Variants in PVR observed in about 807,000 individuals in gnomAD.
PVR encodes the protein PVR cell adhesion molecule, also known as poliovirus receptor.
Under a neutral mutation model 43.3 loss-of-function variants are expected in PVR, and 39 were observed. The ratio of observed to expected loss-of-function variants is 0.90; its 90% CI spans 0.70 to 1.18. The LOEUF is 1.18. PVR is among the 50% of genes most tolerant of loss of function. The probability of loss-of-function intolerance (pLI) is 0.00; values close to 1 mark genes in which losing one functional copy is unlikely to be tolerated. For missense variants in PVR, 480 were observed against 549.7 expected, an observed-to-expected ratio of 0.87 and a Z score of 1.27; for synonymous variants, 224 against 233.2, an observed-to-expected ratio of 0.96 and a Z score of 0.36.
chr19:44,661,899 C>G lies in PVR; in HGVS notation c.*88C>G. Reference sequence around the variant, plus strand: ...GACCCGACCCCAATGGATGAAGACCCCCTCCAAAGAGACCAGCCTCCCTCC... The same window carrying G: ...GACCCGACCCCAATGGATGAAGACCGCCTCCAAAGAGACCAGCCTCCCTCC... On this transcript the variant is annotated 3_prime_UTR_variant, in exon 8 of 8. Transcript: ENST00000425690. The G allele has an allele frequency of 7.9e-7, 1 of 1,262,912 alleles. No individual in the cohort carries two copies. Among genetic ancestry groups the G allele is most frequent in the Non-Finnish European group, 1.1e-6 (1 of 876,422 alleles). The allele number at this position is 1,262,912 out of a possible 1,614,324, so 78.2% of individuals were successfully genotyped here. A position where few individuals can be genotyped will look rare whatever the true frequency, so the allele number is the denominator to read the frequency against.
chr19:44,647,077 T>TGC, intron 1 of PVR, 146 bp from the exon 2 acceptor site: 1 of 311,374 alleles, frequency 3.2e-6, no homozygotes, highest in Non-Finnish European at 5.7e-6. Flanking sequence ...GTGCCCCAGT[T>TGC]CCCCCTCCCC....
At chr19:44,650,458 T>C (rs1385641402) in intron 3 of PVR, among the ~76,000 whole-genome samples, 1 of 151,854 alleles carries the variant, frequency 6.6e-6, no homozygotes, top group East Asian at 1.9e-4. Flanking sequence ...CAGGCAAGTA[T>C]CCACAATGAC....
At position 44,663,928 on chromosome 19, in the gene PVR, T is replaced by A. The variant is rs977894185; in HGVS notation, c.*2117T>A. 1.3e-5 allele frequency among the ~76,000 whole-genome samples: 2 copies of A among 151,470 alleles called. No individual in the cohort carries two copies. Among genetic ancestry groups the A allele is most frequent in the Non-Finnish European group, 2.9e-5 (2 of 68,022 alleles). On this transcript the variant is annotated 3_prime_UTR_variant, in exon 8 of 8. Coordinates refer to ENST00000425690, the MANE Select transcript of PVR (RefSeq NM_006505.5). Reference sequence around the variant, plus strand: ...CCTCACCATGCTAAGCTAATTTTTTTAATTAGATAGTACATAAACGTCCCA... The same window carrying A: ...CCTCACCATGCTAAGCTAATTTTTTAAATTAGATAGTACATAAACGTCCCA...
At chr19:44,647,677 C>T (rs1357498576) in intron 2 of PVR, 107 bp downstream of exon 2, 2 of 768,100 alleles carry the variant, frequency 2.6e-6, no homozygotes, top group African/African-American at 3.8e-5. Flanking sequence ...AGATTCCCTC[C>T]ACAGCAGATC....
At chr19:44,659,465 A>AT (rs889983167) in intron 6 of PVR, among the ~76,000 whole-genome samples, 2 of 151,772 alleles carry the variant, frequency 1.3e-5, no homozygotes, top group African/African-American at 4.8e-5. Flanking sequence ...TTAATTTTTA[A>AT]TTTTTTTTAT....
In PVR at chr19:44,653,906, C is replaced by T. The variant is rs142944493; in HGVS notation, c.731C>T (p.Pro244Leu). The change falls in exon 4 of 8, where the codon CCA becomes CTA. Residue 244 changes from proline (P) to leucine (L), a missense_variant. By Grantham distance (98) the Pro-to-Leu change is moderately conservative (BLOSUM62 -3). Coordinates refer to ENST00000425690, the MANE Select transcript of PVR (RefSeq NM_006505.5). ...LTVNLTVYYP[P>L]EVSISGYDNN... ...CTGTATCCATTTCCTGCAGACCCCC[C>T]AGAGGTATCCATCTCTGGCTATGAT... The T allele has an allele frequency of 6.2e-7, 1 of 1,612,302 alleles. No individual in the cohort carries two copies. The highest frequency in any genetic ancestry group is 2.2e-5 in the East Asian group (1 of 44,864).
rs1463763131 is a variant in PVR at position 44,665,911 on chromosome 19, C to T, written c.*4100C>T. ...CAGCGTCTTTTCCGGTCTCATTCAC[C>T]AGCGCCGCCCACCGCTCAACCAATC... On this transcript the variant is annotated 3_prime_UTR_variant, in exon 8 of 8. Coordinates refer to ENST00000425690, the MANE Select transcript of PVR (RefSeq NM_006505.5). The T allele has an allele frequency of 6.6e-6, 1 of 152,274 alleles. No homozygotes were observed. The highest frequency in any genetic ancestry group is 6.5e-5 in the Admixed American group (1 of 15,268). The allele number at this position is 152,274 out of a possible 1,614,324, so 9.4% of individuals were successfully genotyped here. A position where few individuals can be genotyped will look rare whatever the true frequency, so the allele number is the denominator to read the frequency against.
chr19:44,644,296 A>G (rs1464002737), intron 1 of PVR, 121 bp downstream of exon 1: 1 of 675,614 alleles, frequency 1.5e-6, no homozygotes, highest in East Asian at 3.5e-5. Flanking sequence ...CCCACCCCCC[A>G]TCTCTGCCCC....
chr19:44,647,723 TG>T (rs1973169566), intron 2 of PVR, among the ~76,000 whole-genome samples, 153 bp downstream of exon 2: 1 of 2,448 alleles, frequency 4.1e-4, no homozygotes, highest in African/African-American at 2.0e-3. Flanking sequence ...CGCAATGATG[TG>T]GGGTGGGGTG....
intron 1 of PVR, among the ~76,000 whole-genome samples, chr19:44,645,415 G>GTATA (rs71171276): frequency 0.014 from 1,203 of 83,784 alleles, 25 homozygotes; most frequent in African/African-American, 0.025. Flanking sequence ...TATGTTTTGT[G>GTATA]TATATATATA....
rs1175858065 is a variant in PVR at position 44,665,400 on chromosome 19, A to AGGGAT, written c.*3589_*3590insGGGAT. ...AGTGGCTCACGCCTGTAATCCCAGC[A>AGGGAT]CTTTGGGAGGCTGCAGCGGGTGGAT... On this transcript the variant is annotated 3_prime_UTR_variant, in exon 8 of 8. Transcript: ENST00000425690. 1 of 152,078 alleles carries AGGGAT rather than the reference A, an allele frequency of 6.6e-6. No homozygotes were observed. Among genetic ancestry groups the AGGGAT allele is most frequent in the Non-Finnish European group, 1.5e-5 (1 of 68,044 alleles). The allele number at this position is 152,078 out of a possible 1,614,324, so 9.4% of individuals were successfully genotyped here.
In PVR at chr19:44,649,873, C is replaced by A. The variant is rs1262976969; in HGVS notation, c.492C>A (p.Ala164=). 6.2e-7 allele frequency: 1 copy of A among 1,613,990 alleles called. No individual in the cohort carries two copies. The highest frequency in any genetic ancestry group is 2.2e-5 in the East Asian group (1 of 44,888). The change falls in exon 3 of 8, where the codon GCC becomes GCA. Residue 164 remains alanine, a synonymous_variant. Transcript: ENST00000425690. The part of the protein sequence containing the change: ...VQLTGEPVPM[A]RCVSTGGRPP... ...TCACTGGAGAGCCAGTGCCCATGGC[C>A]CGCTGCGTCTCCACAGGGGGTCGCC...
Position 44,663,394 on chromosome 19 carries a change from G to T in PVR, c.*1583G>T. 1 of 152,474 alleles carries T rather than the reference G, an allele frequency of 6.6e-6. No individual in the cohort carries two copies. Among genetic ancestry groups the T allele is most frequent in the Non-Finnish European group, 1.5e-5 (1 of 68,168 alleles). The allele number at this position is 152,474 out of a possible 1,614,324, so 9.4% of individuals were successfully genotyped here. A position where few individuals can be genotyped will look rare whatever the true frequency, so the allele number is the denominator to read the frequency against. On this transcript the variant is annotated 3_prime_UTR_variant, in exon 8 of 8. Coordinates refer to ENST00000425690, the MANE Select transcript of PVR (RefSeq NM_006505.5). The stretch of plus-strand genomic sequence containing the variant: ...CTCTGGACAGAGATGGAAGAGCCGG[G>T]AACAGAGAAGTGTGGGGAAGAGATA...
At chr19:44,658,994 GCCA>G in intron 6 of PVR, 94 bp downstream of exon 6, 1 of 1,240,828 alleles carries the variant, frequency 8.1e-7, no homozygotes, top group Admixed American at 2.2e-5. Context: ...TCACCCCACT[GCCA>G]TGAGGTTTCC....
chr19:44,645,134 T>TAATAA (rs1568496496), intron 1 of PVR, among the ~76,000 whole-genome samples: 1 of 70,036 alleles, frequency 1.4e-5, no homozygotes, highest in African/African-American at 6.4e-5. Context: ...TTATAATATA[T>TAATAA]TATATATATT....
intron 2 of PVR, among the ~76,000 whole-genome samples, chr19:44,648,652 C>CTGTTT (rs55976228): frequency 0.098 from 14,774 of 151,360 alleles, 1,103 homozygotes; most frequent in African/African-American, 0.2. Context: ...AACTTGTTTT[C>CTGTTT]TGTTTTGTTT....
At chr19:44,653,216 G>C (rs2123758719) in intron 3 of PVR, among the ~76,000 whole-genome samples, 1 of 152,158 alleles carries the variant, frequency 6.6e-6, no homozygotes, top group Middle Eastern at 3.4e-3. Flanking sequence ...CCAACACCCT[G>C]TCTACACTGA....
intron 1 of PVR, 102 bp from the exon 2 acceptor site, chr19:44,647,121 C>T (rs1599758918): frequency 1.3e-6 from 1 of 776,494 alleles, no homozygotes; most frequent in African/African-American, 1.8e-5. Flanking sequence ...ATCCAGGGCC[C>T]CAGCGTGCAA....
intron 1 of PVR, 146 bp from the exon 2 acceptor site, chr19:44,647,077 T>TCCCCCCCCC: frequency 5.1e-5 from 16 of 311,368 alleles, no homozygotes; most frequent in South Asian, 2.3e-4. Context: ...GTGCCCCAGT[T>TCCCCCCCCC]CCCCCTCCCC....
Sources: gnomAD v4.1 joint callset for allele counts (sites outside exome capture counted in the v4.1 genomes callset) on GRCh38, gnomAD v4.1.1 for gene constraint, MANE v1.5 for transcripts, NCBI Gene and HGNC (gene_info 2026-07-23, HGNC 2026-07-21) for gene names.